The following TMTC3 variants were observed in gnomAD, a reference collection of about 807,000 sequenced individuals.
The protein encoded by TMTC3 is protein O-mannosyl-transferase TMTC3.
In TMTC3, 52 loss-of-function variants were observed where a neutral mutation model predicts 92.2. That is an observed-to-expected ratio of 0.56 (90% CI 0.45 to 0.71). The LOEUF (loss-of-function observed/expected upper bound fraction) is 0.71. Ranked by LOEUF, TMTC3 falls within the 30% of genes least tolerant of loss-of-function variation. The pLI is 0.00. For synonymous variants in TMTC3, 339 were observed against 363.3 expected, an observed-to-expected ratio of 0.93 and a Z score of 0.76; for missense variants, 896 against 1,057.1, an observed-to-expected ratio of 0.85 and a Z score of 2.11.
At chr12:88,194,660 T>A (rs1053349282) in intron 13 of TMTC3, among the ~76,000 whole-genome samples, 178 bp from the exon 14 acceptor site, 14 of 152,322 alleles carry the variant, frequency 9.2e-5, no homozygotes, top group African/African-American at 3.4e-4. Flanking sequence ...TTTTACTGTT[T>A]CAAATATTTT....
At position 88,158,447 on chromosome 12, in the gene TMTC3, C is replaced by A. The variant is rs572962670; in HGVS notation, c.509-1667C>A. Among the ~76,000 whole-genome samples the A allele has an allele frequency of 8.1e-4, 123 of 151,562 alleles. 1 individual carries two copies. Among genetic ancestry groups the A allele is most frequent in the Non-Finnish European group, 1.4e-3 (96 of 67,926 alleles). ...ATTTAGCATTGTAGTGTAATATAATCTATTATATTAGTATTGATGTTTTGG... is the reference window on the plus strand; with the variant it reads ...ATTTAGCATTGTAGTGTAATATAATATATTATATTAGTATTGATGTTTTGG... On this transcript the variant is annotated intron_variant, in intron 4 of 13. Coordinates refer to ENST00000266712, the MANE Select transcript of TMTC3 (RefSeq NM_181783.4).
intron 2 of TMTC3, among the ~76,000 whole-genome samples, chr12:88,149,188 C>T (rs977531231): frequency 2.0e-5 from 3 of 151,914 alleles, no homozygotes; most frequent in Non-Finnish European, 4.4e-5. Flanking sequence ...ATCGAGAACC[C>T]AAAAGTTTAG....
intron 6 of TMTC3, 139 bp downstream of exon 6, chr12:88,160,990 A>G (rs1278898847): frequency 2.4e-6 from 2 of 825,348 alleles, no homozygotes; most frequent in Admixed American, 6.2e-5. Context: ...TAAACTGCAT[A>G]TATTTAAAAT....
intron 10 of TMTC3, among the ~76,000 whole-genome samples, chr12:88,177,364 C>T (rs1857575040): frequency 6.6e-6 from 1 of 151,764 alleles, no homozygotes; most frequent in African/African-American, 2.4e-5. Flanking sequence ...TCTGTTGCAA[C>T]TTTTTAGCTA....
chr12:88,148,222 C>A, intron 1 of TMTC3, 66 bp from the exon 2 acceptor site: 1 of 975,874 alleles, frequency 1.0e-6, no homozygotes, highest in Non-Finnish European at 1.5e-6. Flanking sequence ...ACTTACCCAC[C>A]TACTAAAATT....
intron 7 of TMTC3, among the ~76,000 whole-genome samples, chr12:88,168,287 G>T (rs2041167950): frequency 6.6e-6 from 1 of 152,184 alleles, no homozygotes; most frequent in African/African-American, 2.4e-5. Context: ...TTGTTTATGT[G>T]CAGTGAGTGA....
intron 10 of TMTC3, among the ~76,000 whole-genome samples, chr12:88,183,390 G>T (rs954869837): frequency 6.6e-6 from 1 of 152,116 alleles, no homozygotes; most frequent in Non-Finnish European, 1.5e-5. Context: ...TGTTGATCTT[G>T]CATTGCCAGG....
intron 10 of TMTC3, among the ~76,000 whole-genome samples, chr12:88,183,822 G>A (rs990619267): frequency 4.6e-5 from 7 of 152,106 alleles, no homozygotes; most frequent in Non-Finnish European, 1.0e-4. Flanking sequence ...CGAAACTGGG[G>A]CTCCACTAGC....
rs746824337 is a variant in TMTC3 at position 88,195,630 on chromosome 12, G to T, written c.2726G>T (p.Arg909Leu). 3.8e-6 allele frequency: 6 copies of T among 1,589,868 alleles called. No homozygotes were observed. Among genetic ancestry groups the T allele is most frequent in the Non-Finnish European group, 4.3e-6 (5 of 1,172,406 alleles). Residue 909 changes from arginine (R) to leucine (L), a missense_variant, in exon 14 of 14, where the codon CGT becomes CTT. Transcript: ENST00000266712. ...AALKRLEEIE[R>L]ILNGE ...TTAAAAAGACTAGAAGAGATTGAACGTATTTTAAATGGTGAATAACATTAA... is the reference window on the plus strand; with the variant it reads ...TTAAAAAGACTAGAAGAGATTGAACTTATTTTAAATGGTGAATAACATTAA...
intron 11 of TMTC3, among the ~76,000 whole-genome samples, chr12:88,190,093 A>G (rs2041425323): frequency 6.6e-6 from 1 of 152,158 alleles, no homozygotes; most frequent in African/African-American, 2.4e-5. Context: ...ATAAATAATA[A>G]AAATGTAAAA....
intron 10 of TMTC3, among the ~76,000 whole-genome samples, chr12:88,182,446 C>T (rs535875041): frequency 6.6e-6 from 1 of 152,230 alleles, no homozygotes; most frequent in Non-Finnish European, 1.5e-5. Context: ...CAAGATGGGG[C>T]AAAGCCAATT....
rs1037808828 is a variant in TMTC3 at position 88,198,178 on chromosome 12, T to G, written c.*2529T>G. The G allele has an allele frequency of 1.2e-4, 48 of 395,140 alleles. No individual in the cohort carries two copies. The highest frequency in any genetic ancestry group is 1.9e-4 in the Non-Finnish European group (43 of 224,102). The allele number at this position is 395,140 out of a possible 1,614,324, so 24.5% of individuals were successfully genotyped here. A position where few individuals can be genotyped will look rare whatever the true frequency, so the allele number is the denominator to read the frequency against. The stretch of plus-strand genomic sequence containing the variant: ...TTCAAAATAGATATTTCATTCAAAC[T>G]GTTCAGGTGAGAAAACATAATGGAT... On this transcript the variant is annotated 3_prime_UTR_variant, in exon 14 of 14. Coordinates refer to ENST00000266712, the MANE Select transcript of TMTC3 (RefSeq NM_181783.4).
At chr12:88,174,859 G>A in intron 9 of TMTC3, 132 bp downstream of exon 9, 1 of 1,156,834 alleles carries the variant, frequency 8.6e-7, no homozygotes, top group Non-Finnish European at 1.2e-6. Context: ...AAAGATTAAT[G>A]AAAATAATTT....
chr12:88,181,076 T>C (rs2041313009), intron 10 of TMTC3, among the ~76,000 whole-genome samples: 1 of 152,216 alleles, frequency 6.6e-6, no homozygotes, highest in Non-Finnish European at 1.5e-5. Flanking sequence ...ACCTGTGGAA[T>C]GTTGGATGTT....
intron 6 of TMTC3, among the ~76,000 whole-genome samples, chr12:88,161,906 A>ACT (rs2138385078): frequency 6.6e-6 from 1 of 152,016 alleles, no homozygotes; most frequent in African/African-American, 2.4e-5. Context: ...TTTTCCTTGA[A>ACT]CATACATTGC....
In TMTC3 at chr12:88,160,201, G is replaced by A. The variant is rs191776727; in HGVS notation, c.596G>A (p.Cys199Tyr). Residue 199 changes from cysteine (C) to tyrosine (Y), a missense_variant, in exon 5 of 14, where the codon TGT becomes TAT. By Grantham distance (194) the Cys-to-Tyr change is radical (BLOSUM62 -2). Coordinates refer to ENST00000266712, the MANE Select transcript of TMTC3 (RefSeq NM_181783.4). Reference sequence around the variant, plus strand: ...GGAATAACAGTTGTAGGAATTTGCTGTGTGTATGAAGTGTTTATTGCCCAG... The same window carrying A: ...GGAATAACAGTTGTAGGAATTTGCTATGTGTATGAAGTGTTTATTGCCCAG... ...EQGITVVGIC[C>Y]VYEVFIAQGY... The A allele has an allele frequency of 8.2e-6, 13 of 1,587,496 alleles. No individual in the cohort carries two copies. In the Admixed American group the frequency reaches 2.2e-4, roughly 27 times the overall value.
At chr12:88,144,389 C>T (rs889343455) in intron 1 of TMTC3, among the ~76,000 whole-genome samples, 4 of 151,794 alleles carry the variant, frequency 2.6e-5, no homozygotes, top group African/African-American at 9.7e-5. Flanking sequence ...AGTCTGTTTT[C>T]TCTAACACCT....
chr12:88,159,017 A>C (rs1297896345), intron 4 of TMTC3, among the ~76,000 whole-genome samples: 2 of 150,710 alleles, frequency 1.3e-5, no homozygotes, highest in East Asian at 2.0e-4. Flanking sequence ...GTGCCATTGC[A>C]CTGTAGCCTG....
Position 88,188,962 on chromosome 12 carries a change from T to G in TMTC3, c.1536+16T>G, listed in dbSNP as rs772477951. The G allele has an allele frequency of 1.6e-5, 22 of 1,389,510 alleles. No homozygotes were observed. 86.1% of individuals were successfully genotyped at this position (1,389,510 alleles called of 1,614,324 possible). A position where few individuals can be genotyped will look rare whatever the true frequency, so the allele number is the denominator to read the frequency against. On this transcript the variant is annotated intron_variant, in intron 11 of 13. Coordinates refer to ENST00000266712, the MANE Select transcript of TMTC3 (RefSeq NM_181783.4). ...GATGCCTCAAGTAAGTTGCCATAAT[T>G]TATCTATTGTGTCATATCTATTAGA...
Sources: allele counts gnomAD v4.1 joint callset (sites outside exome capture counted in the v4.1 genomes callset), GRCh38; gene constraint gnomAD v4.1.1; transcripts MANE v1.5; gene names NCBI Gene and HGNC (gene_info 2026-07-23, HGNC 2026-07-21).